The following PDZRN3 variants were observed in gnomAD, a reference collection of about 807,000 sequenced individuals.
PDZRN3 encodes E3 ubiquitin-protein ligase PDZRN3.
PDZRN3 carries 38 observed loss-of-function variants against 85.7 expected under a neutral mutation model. The observed-to-expected ratio is 0.44, with a 90% CI of 0.34 to 0.58. The LOEUF is 0.58. PDZRN3 is among the 20% of genes least tolerant of loss of function. The pLI is 0.01. For missense variants in PDZRN3, 1,629 were observed against 1,506.4 expected, an observed-to-expected ratio of 1.08 and a Z score of -1.35; for synonymous variants, 759 against 638.0, an observed-to-expected ratio of 1.19 and a Z score of -2.86.
chr3:73,505,520 G>A (rs566094882), intron 3 of PDZRN3, among the ~76,000 whole-genome samples: 10 of 152,122 alleles, frequency 6.6e-5, no homozygotes, highest in Non-Finnish European at 2.9e-5. Context: ...TAACAAACCA[G>A]TAGACCTATC....
intron 3 of PDZRN3, among the ~76,000 whole-genome samples, chr3:73,565,117 ATTTTTTTTTTTTTTTTTTT>A (rs202184460): frequency 7.2e-6 from 1 of 138,942 alleles, no homozygotes. Flanking sequence ...ATATCCACCA[ATTTTTTTTTTTTTTTTTTT>A]TTTTTTTTTT....
intron 3 of PDZRN3, among the ~76,000 whole-genome samples, chr3:73,502,875 A>T (rs1704007692): frequency 6.6e-6 from 1 of 152,176 alleles, no homozygotes; most frequent in African/African-American, 2.4e-5. Context: ...CCAGAGCACC[A>T]CCTGCTGGCT....
intron 3 of PDZRN3, among the ~76,000 whole-genome samples, chr3:73,514,993 T>C (rs367848663): frequency 2.0e-5 from 3 of 152,202 alleles, no homozygotes; most frequent in African/African-American, 7.2e-5. Flanking sequence ...GCATACCTGA[T>C]TGTAAAACAA....
At chr3:73,388,762 G>C (rs1368935018) in intron 7 of PDZRN3, among the ~76,000 whole-genome samples, 1 of 151,858 alleles carries the variant, frequency 6.6e-6, no homozygotes, top group Non-Finnish European at 1.5e-5. Context: ...GGCAGCAAAA[G>C]GGGTGACTCT....
intron 3 of PDZRN3, among the ~76,000 whole-genome samples, chr3:73,440,771 T>C (rs768961184): frequency 6.6e-6 from 1 of 152,152 alleles, no homozygotes; most frequent in African/African-American, 2.4e-5. Context: ...CAGGGAAGTG[T>C]AGAGAGTGAA....
intron 3 of PDZRN3, among the ~76,000 whole-genome samples, chr3:73,590,336 A>G (rs1702339884): frequency 6.6e-6 from 1 of 151,332 alleles, no homozygotes; most frequent in South Asian, 2.1e-4. Flanking sequence ...TGTAGCTAAT[A>G]AAAGTTAAAC....
At chr3:73,623,257 G>A (rs1407275912) in intron 1 of PDZRN3, among the ~76,000 whole-genome samples, 1 of 152,206 alleles carries the variant, frequency 6.6e-6, no homozygotes, top group African/African-American at 2.4e-5. Flanking sequence ...CGCACTGAGG[G>A]AAACTGAGGG....
At chr3:73,620,478 C>A (rs1702840249) in intron 1 of PDZRN3, among the ~76,000 whole-genome samples, 1 of 152,176 alleles carries the variant, frequency 6.6e-6, no homozygotes, top group South Asian at 2.1e-4. Flanking sequence ...GTGTAGCAAT[C>A]CCAAGTCTGC....
chr3:73,466,506 A>ATGGC (rs1425896485), intron 3 of PDZRN3, among the ~76,000 whole-genome samples: 1 of 152,186 alleles, frequency 6.6e-6, no homozygotes, highest in Non-Finnish European at 1.5e-5. Flanking sequence ...ACAGGTGATT[A>ATGGC]TGGCTAGCTC....
rs75544660 is a variant in PDZRN3, at chr3:73,516,430, T to C, written c.918+85924A>G. Among the ~76,000 whole-genome samples, 631 of 152,360 alleles carry C rather than the reference T, an allele frequency of 4.1e-3. 8 individuals carry two copies. The highest frequency in any genetic ancestry group is 0.014 in the African/African-American group (596 of 41,580). ...GCCAACATCATTTGGTTGTGTATTT[T>C]CTTAATTATGAATGAAGTTGAGTAC... is the stretch of plus-strand genomic sequence containing the variant. On this transcript the variant is annotated intron_variant, in intron 3 of 9. Coordinates refer to ENST00000263666, the MANE Select transcript of PDZRN3 (RefSeq NM_015009.3).
intron 3 of PDZRN3, among the ~76,000 whole-genome samples, chr3:73,536,901 C>T (rs1409347451): frequency 6.6e-6 from 1 of 152,058 alleles, no homozygotes; most frequent in East Asian, 1.9e-4. Flanking sequence ...TCCTGTATTG[C>T]AAGAGTTGTT....
intron 2 of PDZRN3, among the ~76,000 whole-genome samples, chr3:73,605,207 CAAA>C (rs767574608): frequency 4.1e-5 from 4 of 96,434 alleles, no homozygotes; most frequent in Admixed American, 1.2e-4. Context: ...ACCCCCGTCT[CAAA>C]AAAAAAAAAA....
At chr3:73,523,553 T>C (rs184158249) in intron 3 of PDZRN3, among the ~76,000 whole-genome samples, 19 of 152,148 alleles carry the variant, frequency 1.2e-4, no homozygotes, top group African/African-American at 4.3e-4. Context: ...ATAGGGATTC[T>C]TTGCAGGAAG....
At chr3:73,539,709 G>C (rs1704870494) in intron 3 of PDZRN3, among the ~76,000 whole-genome samples, 1 of 152,072 alleles carries the variant, frequency 6.6e-6, no homozygotes, top group South Asian at 2.1e-4. Flanking sequence ...ATTCTTATGA[G>C]AAACAATGAA....
chr3:73,622,542 G>A (rs1223898311), intron 1 of PDZRN3, among the ~76,000 whole-genome samples: 1 of 152,200 alleles, frequency 6.6e-6, no homozygotes, highest in African/African-American at 2.4e-5. Context: ...CAACCTGGGC[G>A]ACTTTGCCCC....
intron 4 of PDZRN3, among the ~76,000 whole-genome samples, chr3:73,403,412 G>C (rs1251643472): frequency 6.6e-6 from 1 of 152,174 alleles, no homozygotes; most frequent in African/African-American, 2.4e-5. Context: ...TGCCCCATGA[G>C]CACTTCCCAC....
intron 3 of PDZRN3, among the ~76,000 whole-genome samples, chr3:73,514,014 T>C (rs1232322839): frequency 6.6e-6 from 1 of 152,248 alleles, no homozygotes; most frequent in Non-Finnish European, 1.5e-5. Flanking sequence ...TAGAGACATT[T>C]AATCTAATTT....
chr3:73,399,318 G>A (rs191894395), intron 5 of PDZRN3, among the ~76,000 whole-genome samples: 23 of 152,244 alleles, frequency 1.5e-4, no homozygotes, highest in Admixed American at 1.2e-3. Flanking sequence ...CCTCTGTTTG[G>A]AGAGCAGTGT....
At chr3:73,538,575 G>A (rs1399936515) in intron 3 of PDZRN3, among the ~76,000 whole-genome samples, 9 of 152,152 alleles carry the variant, frequency 5.9e-5, no homozygotes, top group East Asian at 1.9e-4. Context: ...TTATTATGTC[G>A]AGCTCTTTCT....
Sources: allele counts gnomAD v4.1 joint callset (sites outside exome capture counted in the v4.1 genomes callset), GRCh38; gene constraint gnomAD v4.1.1; transcripts MANE v1.5; gene names NCBI Gene and HGNC (gene_info 2026-07-23, HGNC 2026-07-21).